The following ZFAND3 variants were observed in gnomAD, a reference collection of about 807,000 sequenced individuals.
ZFAND3 encodes zinc finger AN1-type containing 3, also known as AN1-type zinc finger protein 3.
A neutral mutation model predicts 29.6 loss-of-function variants in ZFAND3; 10 were observed. The ratio of observed to expected loss-of-function variants is 0.34; its 90% CI spans 0.21 to 0.57. ZFAND3 has a LOEUF of 0.57. ZFAND3 is among the 20% of genes least tolerant of loss of function. The pLI, the probability that ZFAND3 is intolerant of heterozygous loss-of-function variation, is 0.86. For missense variants in ZFAND3, 230 were observed against 304.5 expected (o/e 0.76, Z 1.82); for synonymous variants, 128 against 112.6 (o/e 1.14, Z -0.87).
intron 2 of ZFAND3, among the ~76,000 whole-genome samples, chr6:37,945,498 C>T (rs1761885868): frequency 6.6e-6 from 1 of 152,134 alleles, no homozygotes; most frequent in South Asian, 2.1e-4. Flanking sequence ...CCGGTTCAAA[C>T]AGTTCTCCTG....
At chr6:38,143,788 A>T (rs1310279407) in intron 5 of ZFAND3, among the ~76,000 whole-genome samples, 1 of 152,188 alleles carries the variant, frequency 6.6e-6, no homozygotes, top group East Asian at 1.9e-4. Context: ...CCAACTCAGC[A>T]AGCTGGGATC....
intron 2 of ZFAND3, among the ~76,000 whole-genome samples, chr6:38,031,160 T>C (rs534340209): frequency 7.2e-5 from 11 of 152,222 alleles, no homozygotes; most frequent in Non-Finnish European, 1.3e-4. Flanking sequence ...CGTAGTTTTT[T>C]GTTTCTTCTC....
intron 1 of ZFAND3, among the ~76,000 whole-genome samples, chr6:37,836,509 A>G (rs1295038075): frequency 6.6e-6 from 1 of 152,208 alleles, no homozygotes; most frequent in Non-Finnish European, 1.5e-5. Context: ...AGAATGGTCA[A>G]GTTAAGATGA....
intron 2 of ZFAND3, among the ~76,000 whole-genome samples, chr6:37,991,392 A>G (rs960607851): frequency 6.6e-6 from 1 of 151,934 alleles, no homozygotes; most frequent in Non-Finnish European, 1.5e-5. Flanking sequence ...TCACTCTGTC[A>G]CCCAGACTGG....
intron 2 of ZFAND3, among the ~76,000 whole-genome samples, chr6:37,973,185 T>C (rs896878024): frequency 1.3e-5 from 2 of 152,126 alleles, no homozygotes; most frequent in African/African-American, 4.8e-5. Context: ...CAACTTTGAG[T>C]CCCATAGATG....
intron 4 of ZFAND3, among the ~76,000 whole-genome samples, chr6:38,112,816 A>T (rs1181614249): frequency 2.0e-5 from 3 of 152,256 alleles, no homozygotes; most frequent in Non-Finnish European, 4.4e-5. Context: ...CAAAGGTTTC[A>T]TTAACTAATT....
At chr6:37,896,565 T>TCTTTC (rs1765217354) in intron 1 of ZFAND3, among the ~76,000 whole-genome samples, 1 of 149,392 alleles carries the variant, frequency 6.7e-6, no homozygotes, top group Non-Finnish European at 1.5e-5. Context: ...TTTCTTTCTT[T>TCTTTC]CTTTCTCTCT....
At chr6:37,867,940 A>G (rs1764618395) in intron 1 of ZFAND3, among the ~76,000 whole-genome samples, 2 of 152,228 alleles carry the variant, frequency 1.3e-5, no homozygotes, top group Admixed American at 1.3e-4. Flanking sequence ...CCAGGGGACA[A>G]TAACTTCCTC....
intron 1 of ZFAND3, among the ~76,000 whole-genome samples, chr6:37,910,967 A>C (rs1765510383): frequency 6.6e-6 from 1 of 152,178 alleles, no homozygotes. Context: ...GGTTGATTTC[A>C]TGTCTTGGCT....
chr6:38,070,413 TAA>T (rs377285632), intron 3 of ZFAND3, among the ~76,000 whole-genome samples: 26 of 108,938 alleles, frequency 2.4e-4, no homozygotes, highest in Non-Finnish European at 1.9e-4. Context: ...AAACTTAGTC[TAA>T]AAAAAAAAAA....
chr6:38,119,813 A>C (rs1350983235), intron 5 of ZFAND3, among the ~76,000 whole-genome samples: 2 of 152,224 alleles, frequency 1.3e-5, no homozygotes, highest in Non-Finnish European at 2.9e-5. Flanking sequence ...GATCTTCAAA[A>C]GAGCAATTTG....
chr6:37,851,295 G>A (rs77839343), intron 1 of ZFAND3, among the ~76,000 whole-genome samples: 1 of 151,632 alleles, frequency 6.6e-6, no homozygotes, highest in African/African-American at 2.4e-5. Context: ...CCATTGATCT[G>A]TTGCCTCTTA....
intron 2 of ZFAND3, among the ~76,000 whole-genome samples, chr6:38,049,862 C>G (rs2495214): frequency 2.2e-3 from 328 of 146,914 alleles, no homozygotes; most frequent in South Asian, 8.2e-3. Context: ...GAGATTGACT[C>G]TCCTCGCTCC....
chr6:37,885,950 C>T (rs372974411), intron 1 of ZFAND3, among the ~76,000 whole-genome samples: 2 of 151,596 alleles, frequency 1.3e-5, no homozygotes, highest in East Asian at 3.9e-4. Context: ...ATTTTAAGTT[C>T]GAACAGGCCA....
intron 2 of ZFAND3, among the ~76,000 whole-genome samples, chr6:37,952,040 C>A (rs2127421085): frequency 6.6e-6 from 1 of 152,116 alleles, no homozygotes; most frequent in African/African-American, 2.4e-5. Context: ...ACCTTGCATC[C>A]CAGGAATAAA....
chr6:37,944,393 A>G (rs1324639326), intron 2 of ZFAND3, among the ~76,000 whole-genome samples: 1 of 152,212 alleles, frequency 6.6e-6, no homozygotes, highest in Non-Finnish European at 1.5e-5. Context: ...GTGGAAATGG[A>G]TCTTTTTTAT....
chr6:37,979,326 C>A (rs1037672436), intron 2 of ZFAND3, among the ~76,000 whole-genome samples: 3 of 152,254 alleles, frequency 2.0e-5, no homozygotes, highest in Admixed American at 1.3e-4. Context: ...AGTTTTCTTA[C>A]AACTTTGTGT....
intron 1 of ZFAND3, among the ~76,000 whole-genome samples, chr6:37,861,485 T>C (rs1764489658): frequency 6.6e-6 from 1 of 151,426 alleles, no homozygotes; most frequent in Non-Finnish European, 1.5e-5. Flanking sequence ...TGTAATTTAT[T>C]AAGGGTACAG....
At chr6:37,943,785 T>C (rs1021606370) in intron 2 of ZFAND3, among the ~76,000 whole-genome samples, 2 of 152,186 alleles carry the variant, frequency 1.3e-5, no homozygotes, top group Non-Finnish European at 2.9e-5. Flanking sequence ...ACCAAAACAC[T>C]GGTACTCAGT....
Sources: allele counts gnomAD v4.1 joint callset (sites outside exome capture counted in the v4.1 genomes callset), GRCh38; gene constraint gnomAD v4.1.1; transcripts MANE v1.5; gene names NCBI Gene and HGNC (gene_info 2026-07-23, HGNC 2026-07-21).